Variants in ACTL8 observed in about 807,000 individuals in gnomAD.
The protein encoded by ACTL8 is actin like 8.
A neutral mutation model predicts 9.3 loss-of-function variants in ACTL8; 3 were observed. That is an observed-to-expected ratio of 0.32 (90% CI 0.15 to 0.83). The LOEUF is 0.83. ACTL8 is among the 40% of genes least tolerant of loss of function. ACTL8 has a pLI of 0.57. For missense variants in ACTL8, 381 were observed against 492.2 expected (o/e 0.77, Z 2.14); for synonymous variants, 224 against 205.9 (o/e 1.09, Z -0.75).
intron 1 of ACTL8, among the ~76,000 whole-genome samples, chr1:17,802,529 T>C (rs2066328928): frequency 6.6e-6 from 1 of 151,674 alleles, no homozygotes; most frequent in South Asian, 2.1e-4. Flanking sequence ...CTGAAAGGAG[T>C]TACTACCGCG....
At chr1:17,791,827 T>C (rs576610998) in intron 1 of ACTL8, among the ~76,000 whole-genome samples, 8 of 152,364 alleles carry the variant, frequency 5.3e-5, no homozygotes, top group East Asian at 1.9e-4. Flanking sequence ...GGGGGATGGA[T>C]CCCTGATTAG....
At chr1:17,782,189 G>T (rs975455651) in intron 1 of ACTL8, among the ~76,000 whole-genome samples, 2 of 152,030 alleles carry the variant, frequency 1.3e-5, no homozygotes, top group Non-Finnish European at 2.9e-5. Context: ...TCCAGTTAGG[G>T]TACCTTGCTA....
At chr1:17,777,369 C>T (rs1010372106) in intron 1 of ACTL8, among the ~76,000 whole-genome samples, 3 of 152,138 alleles carry the variant, frequency 2.0e-5, no homozygotes, top group African/African-American at 7.2e-5. Flanking sequence ...GCACAGCGCC[C>T]CTGAAATCCT....
chr1:17,788,084 T>C (rs1463171891), intron 1 of ACTL8, among the ~76,000 whole-genome samples: 1 of 152,236 alleles, frequency 6.6e-6, no homozygotes, highest in East Asian at 1.9e-4. Flanking sequence ...CATTTCCCCG[T>C]TGGGTCCTCT....
intron 1 of ACTL8, among the ~76,000 whole-genome samples, chr1:17,819,577 C>A (rs80202886): frequency 6.6e-6 from 1 of 152,190 alleles, no homozygotes; most frequent in Non-Finnish European, 1.5e-5. Flanking sequence ...ATGCTGCCTT[C>A]GGGCTGAGCT....
intron 1 of ACTL8, among the ~76,000 whole-genome samples, chr1:17,762,214 CAG>C (rs2066011135): frequency 1.3e-5 from 2 of 152,040 alleles, no homozygotes; most frequent in African/African-American, 2.4e-5. Context: ...AATCCCATCC[CAG>C]AGAGTCCGAG....
chr1:17,760,018 T>C (rs1214949990), intron 1 of ACTL8, among the ~76,000 whole-genome samples: 2 of 152,218 alleles, frequency 1.3e-5, no homozygotes, highest in Admixed American at 1.3e-4. Flanking sequence ...GTGATGCCCA[T>C]TGTGCATACT....
intron 1 of ACTL8, among the ~76,000 whole-genome samples, chr1:17,798,298 T>C (rs1175082108): frequency 6.6e-6 from 1 of 151,888 alleles, no homozygotes; most frequent in African/African-American, 2.4e-5. Flanking sequence ...CCTAAGGAGC[T>C]CATGGTCTAG....
rs1253211444 is a variant in ACTL8 at position 17,805,360 on chromosome 1, ATTTTCT to A, written c.-24-17608_-24-17603del. Among the ~76,000 whole-genome samples, 499 of 86,560 alleles carry A rather than the reference ATTTTCT, an allele frequency of 5.8e-3. 15 individuals carry two copies. The highest frequency in any genetic ancestry group is 0.014 in the African/African-American group (295 of 21,762). The allele number at this position is 86,560 out of a possible 152,430, so 56.8% of individuals were successfully genotyped here. On this transcript the variant is annotated intron_variant, in intron 1 of 2. Coordinates refer to ENST00000375406, the MANE Select transcript of ACTL8 (RefSeq NM_030812.3). ...AGCTAGTGCTTTATAAAATAGATAT[ATTTTCT>A]TTTTCTTTTTCTTTTTTTTTTTTTT...
At chr1:17,821,005 A>G (rs573009605) in intron 1 of ACTL8, among the ~76,000 whole-genome samples, 1 of 152,250 alleles carries the variant, frequency 6.6e-6, no homozygotes, top group South Asian at 2.1e-4. Flanking sequence ...GTGTACAGAA[A>G]TATCTTGTGA....
chr1:17,811,498 T>C (rs556050329), intron 1 of ACTL8, among the ~76,000 whole-genome samples: 3 of 152,220 alleles, frequency 2.0e-5, no homozygotes, highest in Non-Finnish European at 4.4e-5. Flanking sequence ...GTGGTGCTTT[T>C]GATGTTGTAC....
At position 17,826,614 on chromosome 1, in the gene ACTL8, G is replaced by A. The variant is rs572130296; in HGVS notation, c.*95G>A. 55 of 1,278,684 alleles carry A rather than the reference G, an allele frequency of 4.3e-5. No homozygotes were observed. The East Asian group carries it at 1.4e-3, about 32-fold the overall frequency. The allele number at this position is 1,278,684 out of a possible 1,614,324, so 79.2% of individuals were successfully genotyped here. The stretch of plus-strand genomic sequence containing the variant: ...TTCTGGGTGGGGGTAGAATGAGGTG[G>A]GGTGGGGTGAGCTGGCTTTGGAATT... On this transcript the variant is annotated 3_prime_UTR_variant, in exon 3 of 3. Coordinates refer to ENST00000375406, the MANE Select transcript of ACTL8 (RefSeq NM_030812.3). The surrounding 1 kb of genome is among the most constrained non-coding windows in gnomAD (Gnocchi z 4.5).
chr1:17,823,021 A>G lies in ACTL8; in HGVS notation c.13A>G (p.Thr5Ala). The G allele has an allele frequency of 1.2e-6, 2 of 1,613,716 alleles. No homozygotes were observed. Among genetic ancestry groups the G allele is most frequent in the Non-Finnish European group, 1.7e-6 (2 of 1,179,820 alleles). The change falls in exon 2 of 3, where the codon ACC becomes GCC. Residue 5 changes from threonine (T) to alanine (A), a missense_variant. This residue lies in a region of ACTL8 where 125 missense variants were observed against 180.7 expected (regional missense o/e 0.69). Transcript: ENST00000375406. This position sits in a 1 kb window ranked among gnomAD's most constrained non-coding sequence, Gnocchi z 5.3. ...CTCTGCCTCCGCCATGGCTGCAAGA[A>G]CCGTTATCATTGACCACGGGTCTGG... MAAR[T>A]VIIDHGSGFL... is the part of the protein sequence containing the mutation.
chr1:17,800,768 T>C (rs571666376), intron 1 of ACTL8, among the ~76,000 whole-genome samples: 3 of 151,964 alleles, frequency 2.0e-5, no homozygotes, highest in African/African-American at 7.2e-5. Context: ...CTAATTTTTG[T>C]ATTTTTAGTA....
chr1:17,767,221 A>G lies in ACTL8; in HGVS notation c.-25+11717A>G, dbSNP rs192274902. Among the ~76,000 whole-genome samples the G allele has an allele frequency of 1.1e-4, 16 of 152,224 alleles. No homozygotes were observed. Among genetic ancestry groups the G allele is most frequent in the Admixed American group, 2.6e-4 (4 of 15,290 alleles). ...GGGACTGTGGAGGCCTGCTCTGGAA[A>G]CAGTGAGGAGGGCATCAGGAGGTGA... On this transcript the variant is annotated intron_variant, in intron 1 of 2. Transcript: ENST00000375406. The surrounding 1 kb of genome is among the most constrained non-coding windows in gnomAD (Gnocchi z 4.7).
chr1:17,756,917 T>C (rs570630780), intron 1 of ACTL8, among the ~76,000 whole-genome samples: 146 of 152,296 alleles, frequency 9.6e-4, no homozygotes, highest in African/African-American at 3.3e-3. Flanking sequence ...ATGGATCCTT[T>C]TGAGGGCTCC....
chr1:17,776,866 C>A (rs773919677), intron 1 of ACTL8, among the ~76,000 whole-genome samples: 3 of 151,356 alleles, frequency 2.0e-5, no homozygotes, highest in Non-Finnish European at 2.9e-5. Flanking sequence ...GTGGTAAGAT[C>A]ATGGCTTACT....
At chr1:17,820,820 G>C (rs1471303949) in intron 1 of ACTL8, among the ~76,000 whole-genome samples, 1 of 152,044 alleles carries the variant, frequency 6.6e-6, no homozygotes, top group African/African-American at 2.4e-5. Flanking sequence ...CAGGTGATCT[G>C]CCCGTCTTGG....
intron 1 of ACTL8, among the ~76,000 whole-genome samples, chr1:17,772,801 C>T (rs1238965703): frequency 6.6e-6 from 1 of 152,072 alleles, no homozygotes. Context: ...TTTCTGGGGC[C>T]AGACCCAGGC....
Sources: allele counts gnomAD v4.1 joint callset (sites outside exome capture counted in the v4.1 genomes callset), GRCh38; gene constraint gnomAD v4.1.1; regional missense constraint gnomAD v4.1.1; non-coding constraint Gnocchi (gnomAD v3.1); transcripts MANE v1.5; gene names NCBI Gene and HGNC (gene_info 2026-07-23, HGNC 2026-07-21).